Variants in DDX60 observed in about 807,000 individuals in gnomAD.
The protein encoded by DDX60 is DExD/H-box helicase 60.
In DDX60, 165 loss-of-function variants were observed where a neutral mutation model predicts 212.8. The observed-to-expected ratio is 0.78, with a 90% CI of 0.68 to 0.88. The LOEUF is 0.88. DDX60 is among the 40% of genes least tolerant of loss of function. DDX60 has a pLI of 0.00. For missense variants in DDX60, 1,905 were observed against 2,003.9 expected, an observed-to-expected ratio of 0.95 and a Z score of 0.94; for synonymous variants, 703 against 685.3, an observed-to-expected ratio of 1.03 and a Z score of -0.40.
At chr4:168,267,408 G>A (rs575287059) in intron 22 of DDX60, among the ~76,000 whole-genome samples, 174 bp downstream of exon 22, 2 of 152,256 alleles carry the variant, frequency 1.3e-5, no homozygotes, top group Non-Finnish European at 2.9e-5. Flanking sequence ...AAGAACCAAT[G>A]AGAATTAGAA....
rs866421839 is a variant in DDX60 at position 168,275,384 on chromosome 4, T to C, written c.2265A>G (p.Pro755=). The C allele has an allele frequency of 3.7e-6, 6 of 1,612,588 alleles. No homozygotes were observed. The Middle Eastern group carries it at 6.6e-4, about 177-fold the overall frequency. The change falls in exon 16 of 38, where the codon CCA becomes CCG. Residue 755 remains proline, a synonymous_variant. Coordinates refer to ENST00000393743, the MANE Select transcript of DDX60 (RefSeq NM_017631.6). ...GAATAAAATCCTGGACCCTGGGATC[T>C]GGGTCTTTTCTCTCATCTCGTATCA... The part of the protein sequence containing the change: ...HYLIRDERKD[P]DPRVQDFIPD...
At chr4:168,241,955 T>C (rs1450015131) in intron 30 of DDX60, among the ~76,000 whole-genome samples, 1 of 152,156 alleles carries the variant, frequency 6.6e-6, no homozygotes, top group African/African-American at 2.4e-5. Context: ...GTTCGTCTGC[T>C]GTGTAAAGTC....
chr4:168,220,555 G>A, intron 37 of DDX60, 100 bp downstream of exon 37: 1 of 658,836 alleles, frequency 1.5e-6, no homozygotes, highest in Admixed American at 3.2e-5. Context: ...AAGCTTAATG[G>A]CACCTTCATG....
chr4:168,324,712 G>A, the DDX60 span, among the ~76,000 whole-genome samples: 2 of 152,152 alleles, frequency 1.3e-5, no homozygotes, highest in Non-Finnish European at 2.9e-5. Context: ...AAGGTGGCAG[G>A]GTCTTATACT....
At position 168,262,667 on chromosome 4, in the gene DDX60, C is replaced by T. The variant is rs370124413; in HGVS notation, c.3144+16G>A. The T allele has an allele frequency of 4.6e-6, 7 of 1,505,830 alleles. No homozygotes were observed. Among genetic ancestry groups the T allele is most frequent in the African/African-American group, 2.8e-5 (2 of 72,606 alleles). 93.3% of individuals were successfully genotyped at this position (1,505,830 alleles called of 1,614,324 possible). On this transcript the variant is annotated intron_variant, in intron 23 of 37. Coordinates refer to ENST00000393743, the MANE Select transcript of DDX60 (RefSeq NM_017631.6). ...TCATCCTCTATAATAGGATTAATTA[C>T]ATCATTATTATTTACCTGGGCCCGA...
chr4:168,277,422 T>G (rs973647168), intron 14 of DDX60, among the ~76,000 whole-genome samples: 1 of 152,224 alleles, frequency 6.6e-6, no homozygotes, highest in Non-Finnish European at 1.5e-5. Context: ...TGCTTATGGA[T>G]GTGCTATATA....
At chr4:168,225,869 T>C (rs1263760549) in intron 33 of DDX60, among the ~76,000 whole-genome samples, 193 bp from the exon 34 acceptor site, 2 of 152,086 alleles carry the variant, frequency 1.3e-5, no homozygotes, top group African/African-American at 2.4e-5. Flanking sequence ...CTATTTGCAA[T>C]TATGAAAACA....
At chr4:168,289,909 A>G (rs900268653) in intron 8 of DDX60, among the ~76,000 whole-genome samples, 4 of 152,164 alleles carry the variant, frequency 2.6e-5, no homozygotes, top group African/African-American at 9.7e-5. Context: ...GACTGAGGTA[A>G]TAGCCACCTA....
chr4:168,227,141 T>C (rs1281219977), intron 33 of DDX60, among the ~76,000 whole-genome samples: 1 of 152,016 alleles, frequency 6.6e-6, no homozygotes, highest in Non-Finnish European at 1.5e-5. Context: ...TATAGTGATG[T>C]TATCCTTACA....
In DDX60 at chr4:168,238,185, C is replaced by A. The variant is rs984604385; in HGVS notation, c.4165-390G>T. Among the ~76,000 whole-genome samples, 12 of 119,334 alleles carry A rather than the reference C, an allele frequency of 1.0e-4. 1 individual carries two copies. The highest frequency in any genetic ancestry group is 3.8e-4 in the African/African-American group (12 of 31,760). The allele number at this position is 119,334 out of a possible 152,430, so 78.3% of individuals were successfully genotyped here. A position where few individuals can be genotyped will look rare whatever the true frequency, so the allele number is the denominator to read the frequency against. ...TTGCTTGTTTTCCAGAGTAAAACTG[C>A]ATTAAAGTACATGTATCTTTCAACT... On this transcript the variant is annotated intron_variant, in intron 30 of 37. Transcript: ENST00000393743.
chr4:168,289,987 CT>C (rs1377714483), intron 8 of DDX60, among the ~76,000 whole-genome samples: 3 of 152,184 alleles, frequency 2.0e-5, no homozygotes, highest in African/African-American at 7.2e-5. Flanking sequence ...GGGAAAGTTT[CT>C]GCAAATGCAA....
intron 33 of DDX60, among the ~76,000 whole-genome samples, chr4:168,228,717 T>C (rs1047733284): frequency 2.6e-5 from 4 of 152,134 alleles, no homozygotes; most frequent in Admixed American, 2.6e-4. Flanking sequence ...TGTATTCCTT[T>C]ATATGTAATC....
chr4:168,317,113 A>G (rs181655804), intron 1 of DDX60, among the ~76,000 whole-genome samples: 4 of 151,904 alleles, frequency 2.6e-5, no homozygotes, highest in African/African-American at 4.8e-5. Context: ...GAATCTGATC[A>G]AAACGCTAGT....
intron 6 of DDX60, among the ~76,000 whole-genome samples, chr4:168,299,031 T>C (rs1736530884): frequency 6.6e-6 from 1 of 151,504 alleles, no homozygotes; most frequent in Non-Finnish European, 1.5e-5. Flanking sequence ...CTTGGTGGCA[T>C]GAGCCTGTAG....
intron 16 of DDX60, among the ~76,000 whole-genome samples, chr4:168,275,014 G>A (rs1169384153): frequency 6.6e-6 from 1 of 152,032 alleles, no homozygotes; most frequent in Admixed American, 6.5e-5. Flanking sequence ...ATTTCTCTAT[G>A]CACTTTATAT....
At chr4:168,320,295 C>G (rs1259397674), upstream of DDX60, among the ~76,000 whole-genome samples, 1 of 152,112 alleles carries the variant, frequency 6.6e-6, no homozygotes, top group Non-Finnish European at 1.5e-5. Context: ...CCAAGGTCAT[C>G]AGAAGGGCCT....
rs1491399857 is a variant in DDX60, at chr4:168,297,297, C to CAA, written c.724-3353_724-3352insTT. 2.3e-3 allele frequency among the ~76,000 whole-genome samples: 153 copies of CAA among 67,390 alleles called. 12 individuals are homozygous for CAA. The highest frequency in any genetic ancestry group is 8.6e-3 in the Middle Eastern group (1 of 116). The allele number at this position is 67,390 out of a possible 152,430, so 44.2% of individuals were successfully genotyped here. The stretch of plus-strand genomic sequence containing the variant: ...AGAAAGAAAGAAAGAGAGAGAGAGA[C>CAA]GAAAGAAAGAAAGAAAGAAAGAAAG... On this transcript the variant is annotated intron_variant, in intron 6 of 37. Coordinates refer to ENST00000393743, the MANE Select transcript of DDX60 (RefSeq NM_017631.6).
chr4:168,245,300 T>C (rs1446326303), intron 30 of DDX60, among the ~76,000 whole-genome samples: 2 of 152,208 alleles, frequency 1.3e-5, no homozygotes, highest in African/African-American at 4.8e-5. Flanking sequence ...GAAACTGCCA[T>C]GGCTCCTCTA....
intron 5 of DDX60, among the ~76,000 whole-genome samples, chr4:168,303,691 A>C (rs2149547467): frequency 6.6e-6 from 1 of 152,302 alleles, no homozygotes; most frequent in South Asian, 2.1e-4. Context: ...GGCATATAAA[A>C]GTACAGCATA....
Sources: gnomAD v4.1 joint callset for allele counts (sites outside exome capture counted in the v4.1 genomes callset) on GRCh38, gnomAD v4.1.1 for gene constraint, MANE v1.5 for transcripts, NCBI Gene and HGNC (gene_info 2026-07-23, HGNC 2026-07-21) for gene names.